The following RPA3 variants were observed in gnomAD, a reference collection of about 807,000 sequenced individuals.
The protein encoded by RPA3 is replication protein A3.
A neutral mutation model predicts 13.7 loss-of-function variants in RPA3; 24 were observed. The observed-to-expected ratio is 1.75, with a 90% CI of 1.27 to 2.46. RPA3 has a LOEUF of 2.46. Ranked by LOEUF, RPA3 falls within the 30% of genes most tolerant of loss-of-function variation. The pLI, the probability that RPA3 is intolerant of heterozygous loss-of-function variation, is 0.00. For missense variants in RPA3, 183 were observed against 151.0 expected (o/e 1.21, Z -1.11); for synonymous variants, 59 against 51.2 (o/e 1.15, Z -0.65).
chr7:7,686,902 C>A (rs1424581157), intron 3 of RPA3, among the ~76,000 whole-genome samples: 1 of 152,200 alleles, frequency 6.6e-6, no homozygotes, highest in Non-Finnish European at 1.5e-5. Flanking sequence ...CCTGCCCCCA[C>A]TTCCCTTATC....
At chr7:7,710,551 A>G (rs1198809895) in intron 2 of RPA3, among the ~76,000 whole-genome samples, 2 of 152,180 alleles carry the variant, frequency 1.3e-5, no homozygotes, top group Non-Finnish European at 2.9e-5. Context: ...AAATAGTAAT[A>G]ACACCAAATG....
At chr7:7,715,715 C>A (rs1328478305) in intron 1 of RPA3, among the ~76,000 whole-genome samples, 1 of 152,060 alleles carries the variant, frequency 6.6e-6, no homozygotes, top group African/African-American at 2.4e-5. Context: ...ATGTAATATC[C>A]TTCCTGTAAT....
chr7:7,655,178 C>T (rs1252830751), intron 4 of RPA3, among the ~76,000 whole-genome samples: 2 of 152,066 alleles, frequency 1.3e-5, no homozygotes, highest in Non-Finnish European at 2.9e-5. Flanking sequence ...TGCCTCTGGC[C>T]TGCTCTCCAT....
intron 2 of RPA3, among the ~76,000 whole-genome samples, chr7:7,712,648 A>G (rs1780795050): frequency 1.3e-5 from 2 of 152,170 alleles, no homozygotes; most frequent in African/African-American, 2.4e-5. Context: ...GTTTCATTCA[A>G]ATCCTTGTGG....
chr7:7,637,823 T>C, intron 7 of RPA3, 41 bp downstream of exon 7: 2 of 1,258,924 alleles, frequency 1.6e-6, no homozygotes. Context: ...GTATGTTATG[T>C]AATTACATAA....
At chr7:7,644,195 A>AT (rs1334176718) in intron 4 of RPA3, among the ~76,000 whole-genome samples, 2 of 151,434 alleles carry the variant, frequency 1.3e-5, no homozygotes, top group African/African-American at 4.9e-5. Context: ...AAGTTTGAAC[A>AT]TTTTTTCAGA....
intron 2 of RPA3, among the ~76,000 whole-genome samples, chr7:7,713,096 T>C (rs973204934): frequency 2.0e-5 from 3 of 151,928 alleles, no homozygotes; most frequent in Admixed American, 6.6e-5. Context: ...CCCAGCACAT[T>C]GGGAGGCTAA....
chr7:7,644,644 C>T (rs1785055618), intron 4 of RPA3, among the ~76,000 whole-genome samples: 1 of 152,110 alleles, frequency 6.6e-6, no homozygotes, highest in South Asian at 2.1e-4. Context: ...TTTTTGCCAC[C>T]TTCACTTGTC....
chr7:7,698,399 T>A (rs1780368503), intron 2 of RPA3, among the ~76,000 whole-genome samples: 1 of 152,184 alleles, frequency 6.6e-6, no homozygotes, highest in South Asian at 2.1e-4. Flanking sequence ...TGGTAGAAGT[T>A]TTGATTGAGA....
chr7:7,636,745 A>T lies in RPA3; in HGVS notation c.*255T>A. On this transcript the variant is annotated 3_prime_UTR_variant, in exon 8 of 8. Coordinates refer to ENST00000223129, the MANE Select transcript of RPA3 (RefSeq NM_002947.5). ...GTACCATTTTAGTTTTTATTAATAA[A>T]ATAGAAACTTAGACTCGGACAACTG... The T allele has an allele frequency of 2.7e-6, 1 of 371,670 alleles. No individual in the cohort carries two copies. The highest frequency in any genetic ancestry group is 4.6e-5 in the Admixed American group (1 of 21,872). 23.0% of individuals were successfully genotyped at this position (371,670 alleles called of 1,614,324 possible). A position where few individuals can be genotyped will look rare whatever the true frequency, so the allele number is the denominator to read the frequency against.
At chr7:7,654,639 A>G (rs1785299343) in intron 4 of RPA3, among the ~76,000 whole-genome samples, 1 of 152,198 alleles carries the variant, frequency 6.6e-6, no homozygotes, top group South Asian at 2.1e-4. Context: ...GCGGTGGCTC[A>G]TGCTTGTAAT....
intron 2 of RPA3, among the ~76,000 whole-genome samples, chr7:7,704,771 A>G (rs946553473): frequency 2.2e-3 from 308 of 142,718 alleles, no homozygotes; most frequent in African/African-American, 8.2e-3. Flanking sequence ...CATCTCAAAA[A>G]AAAAAAAAAA....
chr7:7,637,532 C>G (rs909564340), intron 7 of RPA3, among the ~76,000 whole-genome samples: 1 of 151,878 alleles, frequency 6.6e-6, no homozygotes, highest in Non-Finnish European at 1.5e-5. Context: ...GAAAATGTGG[C>G]AGTACTAAAA....
intron 4 of RPA3, among the ~76,000 whole-genome samples, chr7:7,643,088 G>A (rs897994547): frequency 3.9e-5 from 6 of 152,128 alleles, no homozygotes; most frequent in Non-Finnish European, 5.9e-5. Context: ...AATGTTGGGG[G>A]ATGGTTTGGC....
intron 4 of RPA3, among the ~76,000 whole-genome samples, chr7:7,653,428 T>C (rs1441433933): frequency 6.6e-6 from 1 of 152,244 alleles, no homozygotes; most frequent in Non-Finnish European, 1.5e-5. Context: ...TCTTATCTTC[T>C]AAACCTTATC....
At chr7:7,697,665 G>C (rs1490250508) in intron 2 of RPA3, among the ~76,000 whole-genome samples, 1 of 152,002 alleles carries the variant, frequency 6.6e-6, no homozygotes, top group Non-Finnish European at 1.5e-5. Context: ...ATGTGACATT[G>C]GCACCCAGTG....
At chr7:7,654,716 A>C (rs1785301322) in intron 4 of RPA3, among the ~76,000 whole-genome samples, 1 of 152,138 alleles carries the variant, frequency 6.6e-6, no homozygotes, top group Non-Finnish European at 1.5e-5. Context: ...CAGCCTGGCC[A>C]ATATGGTGAA....
intron 4 of RPA3, among the ~76,000 whole-genome samples, chr7:7,682,890 G>T (rs1779947467): frequency 1.3e-5 from 2 of 152,168 alleles, no homozygotes; most frequent in Admixed American, 1.3e-4. Flanking sequence ...AAGAAATGTG[G>T]AGTTGTGTGT....
At chr7:7,670,608 A>G (rs963510006) in intron 4 of RPA3, among the ~76,000 whole-genome samples, 4 of 152,192 alleles carry the variant, frequency 2.6e-5, no homozygotes, top group African/African-American at 4.8e-5. Context: ...TGCCCCATTC[A>G]GATATAGCAT....
Sources: allele counts gnomAD v4.1 joint callset (sites outside exome capture counted in the v4.1 genomes callset), GRCh38; gene constraint gnomAD v4.1.1; transcripts MANE v1.5; gene names NCBI Gene and HGNC (gene_info 2026-07-23, HGNC 2026-07-21).